The following DPP6 variants were observed in gnomAD, a reference collection of about 807,000 sequenced individuals.
The protein encoded by DPP6 is A-type potassium channel modulatory protein DPP6.
Under a neutral mutation model 122.6 loss-of-function variants are expected in DPP6, and 69 were observed. The ratio of observed to expected loss-of-function variants is 0.56; its 90% confidence interval spans 0.46 to 0.69. The LOEUF is 0.69. Ranked by LOEUF, DPP6 falls within the 30% of genes least tolerant of loss-of-function variation. DPP6 has a pLI of 0.00. For synonymous variants in DPP6, 418 were observed against 433.1 expected, an observed-to-expected ratio of 0.97 and a Z score of 0.43; for missense variants, 928 against 1,116.9, an observed-to-expected ratio of 0.83 and a Z score of 2.41.
chr7:154,327,577 A>T (rs1808558542), intron 1 of DPP6, among the ~76,000 whole-genome samples: 1 of 152,206 alleles, frequency 6.6e-6, no homozygotes, highest in Non-Finnish European at 1.5e-5. Flanking sequence ...GAAGAAAAAA[A>T]TGAAGGTAAA....
At chr7:153,998,858 G>A (rs1392347341) in intron 1 of DPP6, among the ~76,000 whole-genome samples, 1 of 152,230 alleles carries the variant, frequency 6.6e-6, no homozygotes. Flanking sequence ...GCTAAGTAGT[G>A]ATCTTTTGAA....
rs576807977 is a variant in DPP6, at chr7:154,071,827, A to G, written c.243+18764A>G. Among the ~76,000 whole-genome samples the G allele has an allele frequency of 4.5e-3, 678 of 152,310 alleles. 7 individuals are homozygous for G. The highest frequency in any genetic ancestry group is 0.015 in the African/African-American group (626 of 41,562). ...CACCGTTGTCTTACTGCTGGGGAAA[A>G]GAGAGGGGGCTTTCTTCTTTCTTCA... On this transcript the variant is annotated intron_variant, in intron 1 of 25. Transcript: ENST00000377770.
rs55750679 is a variant in DPP6 at position 153,977,198 on chromosome 7, G to GGTGTGTGT, written c.51+89481_51+89488dup. ...TTTGCATTAAGTAGGTACCAATAGG[G>GGTGTGTGT]GTGTGTGTGTGTGTGTGTGTGTGTT... is the stretch of plus-strand genomic sequence containing the variant. On this transcript the variant is annotated intron_variant, in intron 1 of 25. Coordinates refer to the DPP6 transcript ENST00000404039. Among the ~76,000 whole-genome samples the GGTGTGTGT allele has an allele frequency of 1.0e-3, 153 of 149,724 alleles. 1 individual carries two copies. Among genetic ancestry groups the GGTGTGTGT allele is most frequent in the African/African-American group, 2.2e-3 (89 of 40,920 alleles).
intron 1 of DPP6, among the ~76,000 whole-genome samples, chr7:154,144,187 C>A (rs1347599189): frequency 2.0e-5 from 3 of 152,114 alleles, no homozygotes; most frequent in African/African-American, 4.8e-5. Flanking sequence ...TCTCTTGCCT[C>A]TTTGTGTTCA....
At chr7:154,559,834 G>A (rs549090437) in intron 4 of DPP6, among the ~76,000 whole-genome samples, 3 of 151,516 alleles carry the variant, frequency 2.0e-5, no homozygotes, top group African/African-American at 7.3e-5. Context: ...GAGCCTAGGA[G>A]TTTATGGCTG....
intron 1 of DPP6, among the ~76,000 whole-genome samples, chr7:154,082,805 C>A (rs945095772): frequency 3.8e-4 from 57 of 151,176 alleles, no homozygotes; most frequent in African/African-American, 1.1e-3. Flanking sequence ...AGGACAGAGC[C>A]CTGTGAAGGA....
chr7:153,956,215 C>A (rs760609743), intron 1 of DPP6, among the ~76,000 whole-genome samples: 2 of 151,924 alleles, frequency 1.3e-5, no homozygotes, highest in Admixed American at 6.6e-5. Context: ...GGGGGCTGGT[C>A]CAGTCCATGC....
intron 1 of DPP6, chr7:154,058,135 CCT>C (rs1801042302): frequency 1.6e-4 from 23 of 147,876 alleles, no homozygotes; most frequent in African/African-American, 5.0e-4. Context: ...TCTTCCCCCC[CCT>C]GGCTCTTGGG....
intron 1 of DPP6, among the ~76,000 whole-genome samples, chr7:154,391,725 T>TTGCTCA (rs1416692733): frequency 6.6e-6 from 1 of 152,164 alleles, no homozygotes; most frequent in Non-Finnish European, 1.5e-5. Flanking sequence ...TGTTGGTTCT[T>TTGCTCA]CCCAATGGTG....
At chr7:154,612,889 T>G (rs546472495) in intron 5 of DPP6, among the ~76,000 whole-genome samples, 1 of 152,254 alleles carries the variant, frequency 6.6e-6, no homozygotes, top group African/African-American at 2.4e-5. Context: ...TGTAACAAAT[T>G]ACCATAGACT....
intron 7 of DPP6, among the ~76,000 whole-genome samples, chr7:154,683,709 A>G (rs1224148490): frequency 6.6e-6 from 1 of 151,772 alleles, no homozygotes; most frequent in Non-Finnish European, 1.5e-5. Context: ...TGTGAAGCCC[A>G]CCTGAGGTGC....
chr7:154,186,370 G>A (rs1798354507), intron 1 of DPP6, among the ~76,000 whole-genome samples: 1 of 152,242 alleles, frequency 6.6e-6, no homozygotes, highest in South Asian at 2.1e-4. Flanking sequence ...CAAAAGACTA[G>A]TTTTTATTTT....
At chr7:154,820,038 A>G (rs1354150222) in intron 16 of DPP6, among the ~76,000 whole-genome samples, 3 of 152,222 alleles carry the variant, frequency 2.0e-5, no homozygotes. Flanking sequence ...CAAGGCCCCA[A>G]GCACTGCAAG....
At chr7:153,916,009 C>T (rs1320762303) in intron 1 of DPP6, among the ~76,000 whole-genome samples, 4 of 151,968 alleles carry the variant, frequency 2.6e-5, no homozygotes, top group African/African-American at 9.7e-5. Context: ...CTCTGTCGCC[C>T]AGGCTGGAGT....
intron 3 of DPP6, among the ~76,000 whole-genome samples, chr7:154,525,333 G>A (rs1214629502): frequency 1.3e-5 from 2 of 152,058 alleles, no homozygotes; most frequent in African/African-American, 4.8e-5. Flanking sequence ...TTTTTTTGAA[G>A]AGACGGAGTC....
Position 154,286,558 on chromosome 7 carries a change from A to G in DPP6, c.244-159656A>G, listed in dbSNP as rs553847393. Reference sequence around the variant, plus strand: ...GTAGGCAAGAGTATTTATTGAGAAGACCTGAATTTTAATGCAAAGCTTTCC... The same window carrying G: ...GTAGGCAAGAGTATTTATTGAGAAGGCCTGAATTTTAATGCAAAGCTTTCC... On this transcript the variant is annotated intron_variant, in intron 1 of 25. Transcript: ENST00000377770. Among the ~76,000 whole-genome samples the G allele has an allele frequency of 3.7e-4, 56 of 152,072 alleles. 1 individual carries two copies. Among genetic ancestry groups the G allele is most frequent in the Non-Finnish European group, 6.5e-4 (44 of 68,012 alleles).
chr7:154,474,424 C>G (rs1314524917), intron 2 of DPP6, among the ~76,000 whole-genome samples: 1 of 152,170 alleles, frequency 6.6e-6, no homozygotes, highest in Non-Finnish European at 1.5e-5. Flanking sequence ...GGGGTTTGAT[C>G]CTGTCTGAGC....
chr7:154,185,790 T>C (rs1352447334), intron 1 of DPP6, among the ~76,000 whole-genome samples: 1 of 152,212 alleles, frequency 6.6e-6, no homozygotes, highest in Non-Finnish European at 1.5e-5. Flanking sequence ...TCTACTCTTT[T>C]AGGCTTTTAA....
At chr7:153,762,067 A>G in the DPP6 span, among the ~76,000 whole-genome samples, 5 of 152,218 alleles carry the variant, frequency 3.3e-5, no homozygotes, top group African/African-American at 1.2e-4. Context: ...TATGCAGACT[A>G]AAGTCCGTGT....
Sources: gnomAD v4.1 joint callset for allele counts (sites outside exome capture counted in the v4.1 genomes callset) on GRCh38, gnomAD v4.1.1 for gene constraint, MANE v1.5 for transcripts, NCBI Gene and HGNC (gene_info 2026-07-23, HGNC 2026-07-21) for gene names.